Variants in OPCML observed in about 807,000 individuals in gnomAD.
The protein encoded by OPCML is opioid binding protein/cell adhesion molecule like.
Under a neutral mutation model 37.8 loss-of-function variants are expected in OPCML, and 13 were observed. That is an observed-to-expected ratio of 0.34 (90% CI 0.22 to 0.55). The LOEUF (loss-of-function observed/expected upper bound fraction) is 0.55. OPCML is among the 20% of genes least tolerant of loss of function. The probability of loss-of-function intolerance (pLI) is 0.91; values close to 1 mark genes in which losing one functional copy is unlikely to be tolerated. For synonymous variants in OPCML, 176 were observed against 168.8 expected, an observed-to-expected ratio of 1.04 and a Z score of -0.33; for missense variants, 341 against 435.6, an observed-to-expected ratio of 0.78 and a Z score of 1.93.
chr11:132,503,407 T>C, intron 4 of OPCML, among the ~76,000 whole-genome samples: 1 of 152,334 alleles, frequency 6.6e-6, no homozygotes, highest in Middle Eastern at 3.4e-3. Context: ...CACTTATGCA[T>C]TGTCAGGCAG....
At chr11:132,731,957 A>G (rs1177012690) in intron 2 of OPCML, among the ~76,000 whole-genome samples, 1 of 152,176 alleles carries the variant, frequency 6.6e-6, no homozygotes, top group Non-Finnish European at 1.5e-5. Context: ...ATCATATTAT[A>G]TACCATACGT....
chr11:133,173,955 G>A lies in OPCML; in HGVS notation c.62-230945C>T, dbSNP rs941509325. Reference sequence around the variant, plus strand: ...CCTCTCCCTCCATCCATTCTACAAGGATCCCCAGTCAGCCAATGCACCGGG... The same window carrying A: ...CCTCTCCCTCCATCCATTCTACAAGAATCCCCAGTCAGCCAATGCACCGGG... On this transcript the variant is annotated intron_variant, in intron 1 of 7. Coordinates refer to ENST00000524381, the MANE Select transcript of OPCML (RefSeq NM_001012393.5). This position sits in a 1 kb window ranked among gnomAD's most constrained non-coding sequence, Gnocchi z 7.8. Among the ~76,000 whole-genome samples, 6 of 152,156 alleles carry A rather than the reference G, an allele frequency of 3.9e-5. No homozygotes were observed. The highest frequency in any genetic ancestry group is 8.8e-5 in the Non-Finnish European group (6 of 68,036).
At chr11:133,328,135 T>C (rs1592205713) in intron 1 of OPCML, among the ~76,000 whole-genome samples, 2 of 151,666 alleles carry the variant, frequency 1.3e-5, no homozygotes, top group Admixed American at 1.3e-4. Context: ...AATGATATTA[T>C]AAACCTTGTG....
chr11:132,550,012 G>A (rs1327717925), intron 3 of OPCML, among the ~76,000 whole-genome samples: 1 of 152,078 alleles, frequency 6.6e-6, no homozygotes, highest in East Asian at 1.9e-4. Context: ...AGACAACATA[G>A]CTGCTTCACT....
chr11:133,357,083 T>C (rs1039166786), intron 1 of OPCML, among the ~76,000 whole-genome samples: 9 of 152,190 alleles, frequency 5.9e-5, no homozygotes, highest in Admixed American at 4.6e-4. Flanking sequence ...TAGAAACTCA[T>C]GGCCACTTCT....
At chr11:132,680,227 C>G (rs1942881550) in intron 2 of OPCML, among the ~76,000 whole-genome samples, 1 of 151,668 alleles carries the variant, frequency 6.6e-6, no homozygotes, top group Non-Finnish European at 1.5e-5. Flanking sequence ...CTTTAATAAC[C>G]CCAATTTATC....
intron 2 of OPCML, among the ~76,000 whole-genome samples, chr11:132,727,274 A>C (rs969322480): frequency 2.0e-5 from 3 of 152,136 alleles, no homozygotes; most frequent in African/African-American, 7.2e-5. Flanking sequence ...TCTGAGTCTA[A>C]AGCCCTGCTA....
chr11:132,530,624 C>T (rs1043000873), intron 3 of OPCML, among the ~76,000 whole-genome samples: 5 of 151,446 alleles, frequency 3.3e-5, no homozygotes, highest in African/African-American at 7.3e-5. Context: ...CCAAAACCAC[C>T]GATGAACCTC....
At position 133,044,005 on chromosome 11, in the gene OPCML, T is replaced by C. The variant is rs994512516; in HGVS notation, c.62-100995A>G. Among the ~76,000 whole-genome samples, 60 of 152,244 alleles carry C rather than the reference T, an allele frequency of 3.9e-4. 3 individuals are homozygous for C. Among genetic ancestry groups the C allele is most frequent in the Non-Finnish European group, 4.4e-5 (3 of 68,046 alleles). On this transcript the variant is annotated intron_variant, in intron 1 of 7. Coordinates refer to ENST00000524381, the MANE Select transcript of OPCML (RefSeq NM_001012393.5). ...TGTTCTCACTAGGCTTACCATCTTG[T>C]GGCAGATGCTGACATATGGCCAGAT...
chr11:132,823,272 C>T (rs539502943), intron 2 of OPCML, among the ~76,000 whole-genome samples: 2 of 152,288 alleles, frequency 1.3e-5, no homozygotes, highest in South Asian at 4.1e-4. Flanking sequence ...CCCAGTAGAA[C>T]CTCATTTCAT....
chr11:133,127,500 A>T (rs951950995), intron 1 of OPCML, among the ~76,000 whole-genome samples: 2 of 151,826 alleles, frequency 1.3e-5, no homozygotes, highest in African/African-American at 4.8e-5. Context: ...AGGCATGGTG[A>T]TGCATGTCTG....
At chr11:133,391,070 C>A (rs1044646836) in intron 1 of OPCML, among the ~76,000 whole-genome samples, 1 of 152,212 alleles carries the variant, frequency 6.6e-6, no homozygotes, top group Middle Eastern at 3.2e-3. Context: ...CTGCACGACT[C>A]AGCGGAAGAA....
chr11:133,176,953 G>A (rs1462895933), intron 1 of OPCML, among the ~76,000 whole-genome samples: 2 of 152,152 alleles, frequency 1.3e-5, no homozygotes, highest in African/African-American at 4.8e-5. Context: ...GCCCAGCCAT[G>A]AGGCTGTCTT....
intron 1 of OPCML, among the ~76,000 whole-genome samples, chr11:133,055,371 T>A (rs528211332): frequency 2.8e-4 from 42 of 150,162 alleles, no homozygotes; most frequent in Middle Eastern, 3.7e-3. Context: ...GCTGCCTCCA[T>A]GATACTTCCA....
At chr11:132,656,876 T>C (rs903406974) in intron 3 of OPCML, among the ~76,000 whole-genome samples, 2 of 152,210 alleles carry the variant, frequency 1.3e-5, no homozygotes, top group African/African-American at 4.8e-5. Flanking sequence ...ACAGAAGGAC[T>C]AGAGATAACA....
At chr11:132,878,058 T>C (rs1943086446) in intron 2 of OPCML, among the ~76,000 whole-genome samples, 2 of 152,124 alleles carry the variant, frequency 1.3e-5, no homozygotes, top group Non-Finnish European at 2.9e-5. Flanking sequence ...GGCACATGCC[T>C]GTAGTTCCAG....
At chr11:132,981,439 G>T (rs115474659) in intron 1 of OPCML, among the ~76,000 whole-genome samples, 1 of 152,290 alleles carries the variant, frequency 6.6e-6, no homozygotes, top group African/African-American at 2.4e-5. Context: ...CTACTGGAAA[G>T]CCTGAGAGGA....
At chr11:132,506,542 A>C (rs1375172049) in intron 4 of OPCML, among the ~76,000 whole-genome samples, 1 of 152,162 alleles carries the variant, frequency 6.6e-6, no homozygotes, top group Admixed American at 6.5e-5. Context: ...GCGGATTGTG[A>C]CTTCAAAAGG....
At chr11:133,330,523 C>A (rs1273783142) in intron 1 of OPCML, among the ~76,000 whole-genome samples, 3 of 152,144 alleles carry the variant, frequency 2.0e-5, no homozygotes, top group African/African-American at 7.2e-5. Flanking sequence ...ATGATGAGTT[C>A]ATGTCCTTTG....
Sources: gnomAD v4.1 joint callset for allele counts (sites outside exome capture counted in the v4.1 genomes callset) on GRCh38, gnomAD v4.1.1 for gene constraint, Gnocchi (gnomAD v3.1) non-coding constraint, MANE v1.5 for transcripts, NCBI Gene and HGNC (gene_info 2026-07-23, HGNC 2026-07-21) for gene names.